NAV3: variants seen among roughly 807,000 people sequenced by gnomAD.
The protein encoded by NAV3 is pore membrane and/or filament interacting like protein 1.
A neutral mutation model predicts 244.7 loss-of-function variants in NAV3; 87 were observed. The ratio of observed to expected loss-of-function variants is 0.36; its 90% CI spans 0.30 to 0.42. NAV3 has a LOEUF of 0.42. Among genes scored for constraint, NAV3 ranks in the 20% least tolerant of loss-of-function variants. The probability of loss-of-function intolerance (pLI) is 1.00; values close to 1 mark genes in which losing one functional copy is unlikely to be tolerated. For missense variants in NAV3, 2,663 were observed against 2,893.3 expected (o/e 0.92, Z 1.83); for synonymous variants, 1,126 against 1,042.2 (o/e 1.08, Z -1.55).
Position 78,181,150 on chromosome 12 carries a change from C to G in NAV3, c.5692+105C>G, listed in dbSNP as rs755617403. The G allele has an allele frequency of 1.0e-5, 10 of 997,476 alleles. No individual in the cohort carries two copies. In the South Asian group the frequency reaches 1.3e-4, roughly 13 times the overall value. 61.8% of individuals were successfully genotyped at this position (997,476 alleles called of 1,614,324 possible). Reference sequence around the variant, plus strand: ...TACGTACTCTTAAAAATGTTACACTCTAATTCTCAGAAATAGTCCTAGTTT... The same window carrying G: ...TACGTACTCTTAAAAATGTTACACTGTAATTCTCAGAAATAGTCCTAGTTT... On this transcript the variant is annotated intron_variant, in intron 30 of 39. Coordinates refer to ENST00000397909, the MANE Select transcript of NAV3 (RefSeq NM_001024383.2).
chr12:77,905,784 T>C lies in NAV3; in HGVS notation c.244-34535T>C, dbSNP rs371272679. 1.6e-4 allele frequency among the ~76,000 whole-genome samples: 24 copies of C among 152,256 alleles called. No individual in the cohort carries two copies. In the East Asian group the frequency reaches 4.4e-3, roughly 28 times the overall value. ...TATTAAATATGGCTGACCAGACCCA[T>C]AACAATATGAGCACAAAAATTACTA... On this transcript the variant is annotated intron_variant, in intron 1 of 39. Coordinates refer to ENST00000397909, the MANE Select transcript of NAV3 (RefSeq NM_001024383.2).
intron 1 of NAV3, among the ~76,000 whole-genome samples, chr12:77,857,892 T>A (rs1033633914): frequency 6.6e-6 from 1 of 151,932 alleles, no homozygotes; most frequent in African/African-American, 2.4e-5. Context: ...AGTTGATGAG[T>A]TTTATTGTTT....
chr12:77,571,941 G>T (rs1868845404), exon 2 of NAV3: 1 of 152,160 alleles, frequency 6.6e-6, no homozygotes, highest in African/African-American at 2.4e-5. Flanking sequence ...AAAATTCTCG[G>T]ATGACTATTT....
At chr12:78,135,910 A>C (rs554612807) in intron 18 of NAV3, among the ~76,000 whole-genome samples, 1 of 152,176 alleles carries the variant, frequency 6.6e-6, no homozygotes, top group East Asian at 1.9e-4. Flanking sequence ...TTACATTTTA[A>C]ATATGTGATT....
intron 1 of NAV3, among the ~76,000 whole-genome samples, chr12:77,875,873 G>T (rs1592861960): frequency 6.6e-6 from 1 of 152,034 alleles, no homozygotes; most frequent in East Asian, 1.9e-4. Flanking sequence ...ATACTTAAGA[G>T]GATCCATAAT....
At chr12:77,939,274 G>C (rs923429525) in intron 1 of NAV3, among the ~76,000 whole-genome samples, 1 of 151,908 alleles carries the variant, frequency 6.6e-6, no homozygotes, top group Non-Finnish European at 1.5e-5. Flanking sequence ...AGATTTCTTT[G>C]CCTGTCGGCT....
In NAV3 at chr12:77,861,191, A is replaced by C. The variant is rs541229505; in HGVS notation, c.243+29487A>C. 4.6e-5 allele frequency among the ~76,000 whole-genome samples: 7 copies of C among 151,862 alleles called. No homozygotes were observed. The South Asian group carries it at 1.5e-3, about 31-fold the overall frequency. ...GTATTTACATGGTTATAATTGATTA[A>C]AATCTTTCCCAGATTAAAAAAAGGA... On this transcript the variant is annotated intron_variant, in intron 1 of 39. Transcript: ENST00000397909.
chr12:78,002,644 T>A (rs1873500440), intron 7 of NAV3, among the ~76,000 whole-genome samples: 1 of 152,124 alleles, frequency 6.6e-6, no homozygotes. Flanking sequence ...AACTGAACTG[T>A]TTTCTTTTCA....
Position 77,739,011 on chromosome 12 carries a change from C to CAAAAAA in NAV3, c.72+166767_72+166772dup, listed in dbSNP as rs1168641355. Among the ~76,000 whole-genome samples, 8 of 64,082 alleles carry CAAAAAA rather than the reference C, an allele frequency of 1.2e-4. 1 individual carries two copies. The East Asian group carries it at 1.8e-3, about 14-fold the overall frequency. The allele number at this position is 64,082 out of a possible 152,430, so 42.0% of individuals were successfully genotyped here. The stretch of plus-strand genomic sequence containing the variant: ...TGGGCGACAGAGCGAGACTCCGTCT[C>CAAAAAA]AAAAAAAAAAAAAAAAAAAAAAAAA... On this transcript the variant is annotated intron_variant, in intron 2 of 8. Coordinates refer to the NAV3 transcript ENST00000550042.
upstream of NAV3, among the ~76,000 whole-genome samples, chr12:77,826,764 C>A (rs1447828198): frequency 1.3e-5 from 2 of 152,130 alleles, no homozygotes; most frequent in Non-Finnish European, 1.5e-5. Context: ...TCAGACATTG[C>A]CTGTGTTGAG....
intron 2 of NAV3, among the ~76,000 whole-genome samples, chr12:77,798,226 CTTTG>C (rs1218683534): frequency 6.6e-6 from 1 of 151,810 alleles, no homozygotes; most frequent in East Asian, 1.9e-4. Context: ...AAACAAATGA[CTTTG>C]TTTGATGAGT....
Position 78,118,044 on chromosome 12 carries a change from G to A in NAV3, c.2787G>A (p.Glu929=). The change falls in exon 14 of 40, where the codon GAG becomes GAA. Residue 929 remains glutamate (E), a synonymous_variant. Transcript: ENST00000397909. ...RKNTQLRTDS[E]KRSTTDETWD... Reference sequence around the variant, plus strand: ...CTTTATAGCTGAGGACAGATTCAGAGAAACGCTCCACCACAGACGAGACCT... The same window carrying A: ...CTTTATAGCTGAGGACAGATTCAGAAAAACGCTCCACCACAGACGAGACCT... 6.2e-7 allele frequency: 1 copy of A among 1,609,504 alleles called. No homozygotes were observed. The highest frequency in any genetic ancestry group is 8.5e-7 in the Non-Finnish European group (1 of 1,177,924).
intron 1 of NAV3, among the ~76,000 whole-genome samples, chr12:77,903,044 A>G (rs1040033333): frequency 3.9e-5 from 6 of 152,224 alleles, no homozygotes; most frequent in African/African-American, 1.2e-4. Flanking sequence ...GGAAGAATCA[A>G]TATCGTGAAA....
intron 23 of NAV3, among the ~76,000 whole-genome samples, chr12:78,161,866 A>G (rs184656878): frequency 2.6e-4 from 39 of 152,270 alleles, no homozygotes; most frequent in Admixed American, 2.2e-3. Context: ...TCAAAGACAG[A>G]ATCTAATTAA....
intron 3 of NAV3, among the ~76,000 whole-genome samples, chr12:77,962,018 G>A (rs144361737): frequency 3.0e-4 from 46 of 151,740 alleles, no homozygotes; most frequent in East Asian, 1.9e-3. Context: ...AGCTCTTGTC[G>A]TACATGACTT....
At chr12:78,117,801 A>T (rs1269444803) in intron 13 of NAV3, among the ~76,000 whole-genome samples, 1 of 152,072 alleles carries the variant, frequency 6.6e-6, no homozygotes, top group Non-Finnish European at 1.5e-5. Context: ...GAAAATTTCT[A>T]CCTTTCTGTA....
rs111642571 is a variant in NAV3 at position 77,609,027 on chromosome 12, T to G, written c.72+36761T>G. On this transcript the variant is annotated intron_variant, in intron 2 of 8. Coordinates refer to the NAV3 transcript ENST00000550042. ...TTTTTATTTGGTGTCCCTACCTGAT[T>G]CTCTGCCTTCTAATACAGGACCTCT... Among the ~76,000 whole-genome samples, 989 of 152,190 alleles carry G rather than the reference T, an allele frequency of 6.5e-3. 7 individuals are homozygous for G. Among genetic ancestry groups the G allele is most frequent in the Middle Eastern group, 0.027 (8 of 294 alleles).
chr12:77,684,187 A>G (rs1171140804), intron 2 of NAV3, among the ~76,000 whole-genome samples: 4 of 152,162 alleles, frequency 2.6e-5, no homozygotes, highest in Non-Finnish European at 4.4e-5. Flanking sequence ...CCTGATGACT[A>G]TGTTAAGCAT....
intron 2 of NAV3, among the ~76,000 whole-genome samples, chr12:77,755,611 CTCCTTCCT>C (rs1186550811): frequency 0.012 from 458 of 38,256 alleles, 43 homozygotes; most frequent in Non-Finnish European, 0.017. Context: ...CCCTCCCTCC[CTCCTTCCT>C]TCCTTCCTTC....
Sources: gnomAD v4.1 joint callset for allele counts (sites outside exome capture counted in the v4.1 genomes callset) on GRCh38, gnomAD v4.1.1 for gene constraint, MANE v1.5 for transcripts, NCBI Gene and HGNC (gene_info 2026-07-23, HGNC 2026-07-21) for gene names.